The following NEK7 variants were observed in gnomAD, a reference collection of about 807,000 sequenced individuals.
NEK7 encodes the protein NIMA related kinase 7.
In NEK7, 18 loss-of-function variants were observed where a neutral mutation model predicts 44.6. The ratio of observed to expected loss-of-function variants is 0.40; its 90% CI spans 0.28 to 0.60. The LOEUF (loss-of-function observed/expected upper bound fraction) is 0.60. Among genes scored for constraint, NEK7 ranks in the 20% least tolerant of loss-of-function variants. The pLI is 0.38. For synonymous variants in NEK7, 130 were observed against 121.1 expected, an observed-to-expected ratio of 1.07 and a Z score of -0.48; for missense variants, 256 against 366.5, an observed-to-expected ratio of 0.70 and a Z score of 2.46.
At chr1:198,164,305 C>T (rs1392446817) in intron 1 of NEK7, among the ~76,000 whole-genome samples, 1 of 152,174 alleles carries the variant, frequency 6.6e-6, no homozygotes, top group Non-Finnish European at 1.5e-5. Flanking sequence ...GATCAGAAGT[C>T]CACCGGTCTA....
At chr1:198,169,667 C>T (rs2102715516) in intron 1 of NEK7, among the ~76,000 whole-genome samples, 1 of 151,550 alleles carries the variant, frequency 6.6e-6, no homozygotes, top group East Asian at 1.9e-4. Flanking sequence ...TTTAAATGTC[C>T]ATTTTCCATA....
chr1:198,314,487 C>T (rs1008558191), intron 9 of NEK7, among the ~76,000 whole-genome samples: 9 of 152,182 alleles, frequency 5.9e-5, no homozygotes, highest in African/African-American at 2.2e-4. Context: ...GAACTGCATT[C>T]CTTTGGAGGA....
intron 1 of NEK7, among the ~76,000 whole-genome samples, chr1:198,162,904 G>C (rs1360877303): frequency 6.6e-6 from 1 of 152,042 alleles, no homozygotes; most frequent in African/African-American, 2.4e-5. Context: ...AATAATGTGA[G>C]TTGCAAAAAG....
chr1:198,233,182 G>GC (rs1666450389), intron 2 of NEK7, among the ~76,000 whole-genome samples: 1 of 151,454 alleles, frequency 6.6e-6, no homozygotes, highest in African/African-American at 2.4e-5. Context: ...ATCTTGCCTT[G>GC]CCCACAGCTG....
chr1:198,310,107 T>C (rs1039881896), intron 9 of NEK7, among the ~76,000 whole-genome samples: 14 of 152,248 alleles, frequency 9.2e-5, no homozygotes, highest in African/African-American at 2.6e-4. Flanking sequence ...CAGCACCTGT[T>C]GTTTCCTGAC....
intron 1 of NEK7, among the ~76,000 whole-genome samples, chr1:198,213,159 C>G (rs570503103): frequency 2.0e-5 from 3 of 152,096 alleles, no homozygotes; most frequent in Non-Finnish European, 4.4e-5. Flanking sequence ...ATCACTTGAC[C>G]GAGAGTCATA....
At chr1:198,173,057 TAG>T (rs945054662) in intron 1 of NEK7, among the ~76,000 whole-genome samples, 10 of 152,136 alleles carry the variant, frequency 6.6e-5, no homozygotes, top group African/African-American at 2.2e-4. Context: ...GTGTCATCAG[TAG>T]AGAGACTGAT....
At chr1:198,191,351 A>T (rs987490813) in intron 1 of NEK7, among the ~76,000 whole-genome samples, 6 of 151,946 alleles carry the variant, frequency 3.9e-5, no homozygotes, top group African/African-American at 1.4e-4. Flanking sequence ...TTTTTAGCCC[A>T]TCTGATAAGT....
chr1:198,199,104 C>T (rs1665336478), intron 1 of NEK7, among the ~76,000 whole-genome samples: 1 of 152,168 alleles, frequency 6.6e-6, no homozygotes. Flanking sequence ...CTGAATTCTC[C>T]AGGAAAGATT....
Position 198,231,297 on chromosome 1 carries a change from GTGTGTATA to G in NEK7, c.-28-1254_-28-1247del, listed in dbSNP as rs1271993815. 8.3e-4 allele frequency among the ~76,000 whole-genome samples: 75 copies of G among 90,176 alleles called. 2 individuals are homozygous for G. The highest frequency in any genetic ancestry group is 3.4e-3 in the African/African-American group (63 of 18,354). The allele number at this position is 90,176 out of a possible 152,430, so 59.2% of individuals were successfully genotyped here. A position where few individuals can be genotyped will look rare whatever the true frequency, so the allele number is the denominator to read the frequency against. On this transcript the variant is annotated intron_variant, in intron 1 of 9. Transcript: ENST00000367385. ...TGTGTGTGTATATACGTGTATGTGTGTGTGTATATATATATATATATATATATATATAT... is the reference window on the plus strand; with the variant it reads ...TGTGTGTGTATATACGTGTATGTGTGTATATATATATATATATATATATAT...
intron 2 of NEK7, chr1:198,245,135 A>C (rs1213650014): frequency 1.2e-5 from 2 of 167,142 alleles, no homozygotes; most frequent in Non-Finnish European, 1.5e-5. Context: ...TTTAATATTC[A>C]TTAAGTGGAA....
chr1:198,185,122 A>G (rs927364622), intron 1 of NEK7, among the ~76,000 whole-genome samples: 4 of 151,540 alleles, frequency 2.6e-5, no homozygotes, highest in Non-Finnish European at 4.4e-5. Context: ...TAGACACTGG[A>G]CACATTATTA....
intron 3 of NEK7, chr1:198,256,411 C>T: frequency 6.2e-7 from 1 of 1,611,878 alleles, no homozygotes; most frequent in Middle Eastern, 1.7e-4. Flanking sequence ...GATCTGAGAG[C>T]CTACAGTATA....
intron 1 of NEK7, among the ~76,000 whole-genome samples, chr1:198,168,278 G>T (rs1341336515): frequency 6.6e-6 from 1 of 152,150 alleles, no homozygotes; most frequent in Non-Finnish European, 1.5e-5. Flanking sequence ...TGTGGTTAAT[G>T]ATTCAGATAA....
intron 1 of NEK7, among the ~76,000 whole-genome samples, chr1:198,213,688 G>A (rs193167412): frequency 2.0e-5 from 3 of 152,244 alleles, no homozygotes; most frequent in East Asian, 1.9e-4. Context: ...GAGGTGGGTC[G>A]CTTTCCTGCT....
At chr1:198,166,564 C>T (rs1571495317) in intron 1 of NEK7, among the ~76,000 whole-genome samples, 1 of 152,218 alleles carries the variant, frequency 6.6e-6, no homozygotes, top group African/African-American at 2.4e-5. Context: ...TATTAATTGG[C>T]TTAATTTTCA....
intron 2 of NEK7, 96 bp from the exon 3 acceptor site, chr1:198,252,944 C>T: frequency 4.0e-6 from 4 of 1,006,784 alleles, no homozygotes; most frequent in Non-Finnish European, 5.9e-6. Context: ...GCAAACTTAC[C>T]CTATGTGTCA....
chr1:198,201,434 C>T (rs942320535), intron 1 of NEK7, among the ~76,000 whole-genome samples: 1 of 152,036 alleles, frequency 6.6e-6, no homozygotes, highest in African/African-American at 2.4e-5. Flanking sequence ...CACATAGTCA[C>T]GTATGTCCCT....
chr1:198,232,648 C>G lies in NEK7; in HGVS notation c.57+11C>G. On this transcript the variant is annotated intron_variant, in intron 2 of 9. Coordinates refer to ENST00000367385, the MANE Select transcript of NEK7 (RefSeq NM_133494.3). ...CAGTTCCAACCACAGGTAATTTATC[C>G]TAATTAAGATGGGCAGAACTATATA... The G allele has an allele frequency of 6.5e-7, 1 of 1,527,556 alleles. No homozygotes were observed. The highest frequency in any genetic ancestry group is 1.7e-4 in the Middle Eastern group (1 of 5,872). 94.6% of individuals were successfully genotyped at this position (1,527,556 alleles called of 1,614,324 possible).
Sources: allele counts gnomAD v4.1 joint callset (sites outside exome capture counted in the v4.1 genomes callset), GRCh38; gene constraint gnomAD v4.1.1; transcripts MANE v1.5; gene names NCBI Gene and HGNC (gene_info 2026-07-23, HGNC 2026-07-21).